Variants in PCDH11X observed in about 807,000 individuals in gnomAD.
PCDH11X encodes protocadherin 11 X-linked, also known as protocadherin-11 X-linked.
In PCDH11X, 18 loss-of-function variants were observed where a neutral mutation model predicts 53.3. The observed-to-expected ratio is 0.34, with a 90% confidence interval of 0.23 to 0.50. The LOEUF is 0.50. PCDH11X is among the 20% of genes least tolerant of loss of function. PCDH11X has a pLI of 0.98. For missense variants in PCDH11X, 570 were observed against 1,032.4 expected (o/e 0.55, Z 6.14); for synonymous variants, 279 against 393.3 (o/e 0.71, Z 3.44).
Position 91,879,262 on chromosome X carries a change from C to T in PCDH11X, c.3022C>T (p.His1008Tyr), listed in dbSNP as rs754468607. The change falls in exon 6 of 11, where the codon CAC becomes TAC. Residue 1008 changes from histidine (H) to tyrosine (Y), a missense_variant. Around this residue, in one of 6 missense-constraint regions of PCDH11X, gnomAD observed 234 missense variants for 296.1 expected, o/e 0.79. Transcript: ENST00000682573. Reference sequence around the variant, plus strand: ...GACCTTCGAGGTACCTGTGTCCGTACACACCAGACCGGTAGGTATCCAAGT... The same window carrying T: ...GACCTTCGAGGTACCTGTGTCCGTATACACCAGACCGGTAGGTATCCAAGT... ...VTTFEVPVSVHTRPPMKEVVR... is the reference protein window; with the variant it reads ...VTTFEVPVSVYTRPPMKEVVR... The T allele has an allele frequency of 4.1e-6, 5 of 1,211,660 alleles. No homozygotes were observed. The East Asian group carries it at 1.2e-4, about 29-fold the overall frequency.
At chrX:92,603,723 G>A (rs1242086915) in intron 10 of PCDH11X, among the ~76,000 whole-genome samples, 2 of 98,379 alleles carry the variant, frequency 2.0e-5, no homozygotes, top group Non-Finnish European at 4.1e-5. Context: ...CAAATATTGA[G>A]ACAATTTATT....
chrX:92,371,002 T>C (rs1414917087), intron 8 of PCDH11X, among the ~76,000 whole-genome samples: 2 of 111,978 alleles, frequency 1.8e-5, no homozygotes, highest in African/African-American at 3.3e-5. Flanking sequence ...TAAAATCTAT[T>C]GCTTACTATT....
At position 92,090,211 on chromosome X, in the gene PCDH11X, T is replaced by C. The variant is rs1219568300; in HGVS notation, c.3034-111164T>C. On this transcript the variant is annotated intron_variant, in intron 6 of 10. Coordinates refer to ENST00000682573, the MANE Select transcript of PCDH11X (RefSeq NM_032968.5). ...TGTTGGAAATGTCAAGATACACTAT[T>C]GCATGTGAAAAGAGCTGTACATAGA... 4.5e-5 allele frequency among the ~76,000 whole-genome samples: 5 copies of C among 111,836 alleles called. No individual in the cohort carries two copies. The Admixed American group carries it at 4.8e-4, about 11-fold the overall frequency.
intron 10 of PCDH11X, among the ~76,000 whole-genome samples, chrX:92,511,235 T>C (rs1011447201): frequency 8.9e-6 from 1 of 111,737 alleles, no homozygotes; most frequent in Non-Finnish European, 1.9e-5. Flanking sequence ...AATTTTAGAA[T>C]TCTCAGTAAA....
chrX:91,837,372 T>C (rs1177036781), intron 5 of PCDH11X, among the ~76,000 whole-genome samples: 1 of 111,537 alleles, frequency 9.0e-6, no homozygotes, highest in Non-Finnish European at 1.9e-5. Flanking sequence ...AGGAGAACAG[T>C]TTCGAGGTTC....
At chrX:92,216,252 C>A (rs890251160) in intron 7 of PCDH11X, among the ~76,000 whole-genome samples, 2 of 110,581 alleles carry the variant, frequency 1.8e-5, no homozygotes, top group Non-Finnish European at 3.8e-5. Context: ...TCAAACTACT[C>A]CGAGCTACAG....
At chrX:92,211,615 G>A (rs1488435231) in intron 7 of PCDH11X, among the ~76,000 whole-genome samples, 5 of 112,043 alleles carry the variant, frequency 4.5e-5, no homozygotes, top group African/African-American at 1.6e-4. Context: ...CAATATGTTA[G>A]CAGTAAATTT....
At chrX:92,331,865 T>A (rs1161946751) in intron 8 of PCDH11X, among the ~76,000 whole-genome samples, 1 of 111,561 alleles carries the variant, frequency 9.0e-6, no homozygotes, top group East Asian at 2.8e-4. Context: ...ATGAACTCAG[T>A]TTTTCTCAAT....
At chrX:91,848,899 A>G (rs1426285150) in intron 5 of PCDH11X, among the ~76,000 whole-genome samples, 2 of 111,134 alleles carry the variant, frequency 1.8e-5, no homozygotes, top group Non-Finnish European at 3.8e-5. Context: ...TCAACTATGC[A>G]TATCAGGATT....
At chrX:92,252,399 G>A (rs868283686) in intron 7 of PCDH11X, among the ~76,000 whole-genome samples, 21 of 94,139 alleles carry the variant, frequency 2.2e-4, no homozygotes, top group South Asian at 9.6e-4. Flanking sequence ...ACACACACAC[G>A]CATGTGTGCG....
chrX:91,990,643 C>T (rs1213888876), intron 6 of PCDH11X, among the ~76,000 whole-genome samples: 3 of 110,058 alleles, frequency 2.7e-5, no homozygotes, highest in Non-Finnish European at 5.7e-5. Flanking sequence ...GGCACTGCCT[C>T]ATTATTTCCA....
At chrX:91,936,968 A>G (rs902633501) in intron 6 of PCDH11X, among the ~76,000 whole-genome samples, 96 of 109,330 alleles carry the variant, frequency 8.8e-4, no homozygotes, top group African/African-American at 3.1e-3. Flanking sequence ...CAAAGTTACA[A>G]CTGGCAAAGG....
chrX:92,571,135 C>G (rs1922162504), intron 10 of PCDH11X, among the ~76,000 whole-genome samples: 1 of 111,154 alleles, frequency 9.0e-6, no homozygotes, highest in Non-Finnish European at 1.9e-5. Context: ...TTCCTGGGCA[C>G]AATACTGAAT....
At chrX:92,160,395 G>A (rs1181089731) in intron 6 of PCDH11X, among the ~76,000 whole-genome samples, 1 of 110,038 alleles carries the variant, frequency 9.1e-6, no homozygotes, top group African/African-American at 3.3e-5. Flanking sequence ...CCGCTTATGA[G>A]TGAGAACATA....
At chrX:92,037,034 TATTTTATTTTATTTC>T (rs2063136642) in intron 6 of PCDH11X, among the ~76,000 whole-genome samples, 1 of 111,870 alleles carries the variant, frequency 8.9e-6, no homozygotes, top group South Asian at 3.7e-4. Context: ...GGAAGAGATT[TATTTTATTTTATTTC>T]ATTTTATTTT....
intron 10 of PCDH11X, among the ~76,000 whole-genome samples, chrX:92,504,279 G>A (rs1292620405): frequency 9.6e-6 from 1 of 104,580 alleles, no homozygotes; most frequent in Non-Finnish European, 2.0e-5. Flanking sequence ...CCTCCCTTAA[G>A]TAGGTCCTGG....
intron 1 of PCDH11X, among the ~76,000 whole-genome samples, chrX:91,793,743 A>G (rs1172433307): frequency 1.8e-5 from 2 of 111,567 alleles, no homozygotes; most frequent in East Asian, 5.7e-4. Flanking sequence ...GCTTAGATAT[A>G]GACTGTTAAT....
chrX:92,387,789 G>A lies in PCDH11X; in HGVS notation c.3199G>A (p.Asp1067Asn). 8.3e-7 allele frequency: 1 copy of A among 1,212,082 alleles called. No homozygotes were observed. The highest frequency in any genetic ancestry group is 3.0e-5 in the East Asian group (1 of 33,842). ...AGAAGGCTCTCAGGAAAGCAGCAGT[G>A]ATGGTGGACTGGGAGACCATGATGC... ...LPEGSQESSS[D>N]GGLGDHDAGS... is the part of the protein sequence containing the mutation. The change falls in exon 9 of 11, where the codon GAT becomes AAT. Residue 1067 changes from aspartate to asparagine, a missense_variant. Around this residue, in one of 6 missense-constraint regions of PCDH11X, gnomAD observed 234 missense variants for 296.1 expected, o/e 0.79. Coordinates refer to ENST00000682573, the MANE Select transcript of PCDH11X (RefSeq NM_032968.5).
chrX:92,006,423 C>T (rs2062601476), intron 6 of PCDH11X, among the ~76,000 whole-genome samples: 1 of 107,344 alleles, frequency 9.3e-6, no homozygotes, highest in East Asian at 3.0e-4. Flanking sequence ...AAGCCAATTG[C>T]ATTGTTCAGC....
Sources: allele counts gnomAD v4.1 joint callset (sites outside exome capture counted in the v4.1 genomes callset), GRCh38; gene constraint gnomAD v4.1.1; regional missense constraint gnomAD v4.1.1; transcripts MANE v1.5; gene names NCBI Gene and HGNC (gene_info 2026-07-23, HGNC 2026-07-21).